The following AXDND1 variants were observed in gnomAD, a reference collection of about 807,000 sequenced individuals.
The protein encoded by AXDND1 is axonemal dynein light chain domain-containing protein 1.
In AXDND1, 110 loss-of-function variants were observed where a neutral mutation model predicts 137.5. The ratio of observed to expected loss-of-function variants is 0.80; its 90% confidence interval spans 0.69 to 0.94. The LOEUF is 0.94. AXDND1 is among the 40% of genes least tolerant of loss of function. The pLI is 0.00. For synonymous variants in AXDND1, 414 were observed against 399.7 expected (o/e 1.04, Z -0.43); for missense variants, 1,191 against 1,169.8 (o/e 1.02, Z -0.26).
intron 11 of AXDND1, among the ~76,000 whole-genome samples, chr1:179,403,735 G>A (rs916114096): frequency 2.6e-5 from 4 of 151,994 alleles, no homozygotes; most frequent in South Asian, 4.1e-4. Flanking sequence ...CACCACACCC[G>A]GCTAATTTTT....
chr1:179,385,122 G>A, intron 8 of AXDND1, 116 bp from the exon 9 acceptor site: 1 of 877,622 alleles, frequency 1.1e-6, no homozygotes, highest in South Asian at 1.7e-5. Flanking sequence ...AAATGTAAGT[G>A]AAATAAATTA....
intron 18 of AXDND1, among the ~76,000 whole-genome samples, chr1:179,484,703 G>A (rs1665825519): frequency 6.6e-6 from 1 of 152,180 alleles, no homozygotes; most frequent in African/African-American, 2.4e-5. Flanking sequence ...TGCTTTGCTA[G>A]TGTGGTTGCA....
rs1425356976 is a variant in AXDND1 at position 179,552,387 on chromosome 1, G to A, written c.3032-2125G>A. On this transcript the variant is annotated intron_variant, in intron 25 of 25. Coordinates refer to ENST00000367618, the MANE Select transcript of AXDND1 (RefSeq NM_144696.6). ...GGAAGGTGAGACTCAAGCAGTGAGT[G>A]GTCACTATTATCAGTAGCTTCAGAG... is the stretch of plus-strand genomic sequence containing the variant. 8 of 605,900 alleles carry A rather than the reference G, an allele frequency of 1.3e-5. 1 individual carries two copies. Among genetic ancestry groups the A allele is most frequent in the Non-Finnish European group, 2.4e-5 (8 of 334,022 alleles). The allele number at this position is 605,900 out of a possible 1,614,324, so 37.5% of individuals were successfully genotyped here.
intron 17 of AXDND1, among the ~76,000 whole-genome samples, chr1:179,480,736 C>T (rs1276771106): frequency 6.6e-6 from 1 of 151,820 alleles, no homozygotes; most frequent in Non-Finnish European, 1.5e-5. Context: ...CCCCCTCTTC[C>T]TTGTATTAAG....
At chr1:179,508,771 T>G (rs1668764395) in intron 20 of AXDND1, among the ~76,000 whole-genome samples, 1 of 152,180 alleles carries the variant, frequency 6.6e-6, no homozygotes, top group South Asian at 2.1e-4. Context: ...GCATCATACT[T>G]AACTATTTTT....
intron 11 of AXDND1, among the ~76,000 whole-genome samples, chr1:179,402,750 C>G (rs1228250805): frequency 6.6e-6 from 1 of 152,192 alleles, no homozygotes; most frequent in East Asian, 1.9e-4. Flanking sequence ...TTTCTCTGCT[C>G]TCCTTACAGG....
intron 16 of AXDND1, chr1:179,456,945 T>C: frequency 6.7e-7 from 1 of 1,485,014 alleles, no homozygotes; most frequent in South Asian, 1.1e-5. Context: ...ATCACTTCAT[T>C]TTTTCCATAC....
intron 12 of AXDND1, among the ~76,000 whole-genome samples, chr1:179,425,880 A>G (rs1052649406): frequency 1.5e-5 from 2 of 137,748 alleles, no homozygotes; most frequent in Non-Finnish European, 3.1e-5. Flanking sequence ...TCTGTCACCC[A>G]GGCTGGAATG....
intron 12 of AXDND1, among the ~76,000 whole-genome samples, chr1:179,425,053 A>G (rs1330870094): frequency 6.6e-6 from 1 of 152,136 alleles, no homozygotes; most frequent in African/African-American, 2.4e-5. Flanking sequence ...TGCTTTGTCC[A>G]TTTGGGGAGA....
At chr1:179,430,837 C>G (rs1390629578) in intron 14 of AXDND1, among the ~76,000 whole-genome samples, 2 of 152,186 alleles carry the variant, frequency 1.3e-5, no homozygotes, top group Admixed American at 1.3e-4. Context: ...CTGCTGTCCC[C>G]ATTTGAGTCC....
chr1:179,489,257 T>G (rs888912101), intron 18 of AXDND1, among the ~76,000 whole-genome samples: 6 of 152,188 alleles, frequency 3.9e-5, no homozygotes, highest in African/African-American at 1.4e-4. Flanking sequence ...TTTAGGAAAG[T>G]AAAAGATATT....
rs200042397 is a variant in AXDND1, at chr1:179,552,616, T to C, written c.3032-1896T>C. 86 of 1,613,708 alleles carry C rather than the reference T, an allele frequency of 5.3e-5. No homozygotes were observed. The East Asian group carries it at 1.7e-3, about 33-fold the overall frequency. On this transcript the variant is annotated intron_variant, in intron 25 of 25. Transcript: ENST00000367618. The stretch of plus-strand genomic sequence containing the variant: ...TGGAGTGCTCACCCGCACTTTGGCT[T>C]GTCTTTGCGCTTCAGCCTCCACAGC...
intron 25 of AXDND1, among the ~76,000 whole-genome samples, chr1:179,537,767 G>A (rs551044864): frequency 6.6e-6 from 1 of 152,098 alleles, no homozygotes; most frequent in Non-Finnish European, 1.5e-5. Context: ...AGAAGGAATG[G>A]TACCTGCTCC....
At chr1:179,413,109 T>C (rs896227793) in intron 12 of AXDND1, among the ~76,000 whole-genome samples, 1 of 152,114 alleles carries the variant, frequency 6.6e-6, no homozygotes, top group East Asian at 1.9e-4. Flanking sequence ...ACAATTGATA[T>C]ACAAAAAAAA....
chr1:179,422,964 A>T (rs1012228915), intron 12 of AXDND1, among the ~76,000 whole-genome samples: 12 of 152,054 alleles, frequency 7.9e-5, no homozygotes, highest in Non-Finnish European at 4.4e-5. Flanking sequence ...GGGTTTCACC[A>T]TGTTGGCCAG....
chr1:179,470,175 A>T (rs895216121), intron 17 of AXDND1, among the ~76,000 whole-genome samples: 2 of 152,072 alleles, frequency 1.3e-5, no homozygotes, highest in Admixed American at 1.3e-4. Context: ...CTATATGTCC[A>T]CCCTTGTGTC....
chr1:179,445,218 C>A lies in AXDND1; in HGVS notation c.1798+14C>A. The A allele has an allele frequency of 6.4e-6, 9 of 1,415,294 alleles. No individual in the cohort carries two copies. The highest frequency in any genetic ancestry group is 8.7e-6 in the Non-Finnish European group (9 of 1,040,152). 87.7% of individuals were successfully genotyped at this position (1,415,294 alleles called of 1,614,324 possible). On this transcript the variant is annotated intron_variant, in intron 16 of 25. Transcript: ENST00000367618. ...ATGGGGACAATGGTAAGAAAATACT[C>A]ATAATAATTAGATTTCTTGGTATAA... is the stretch of plus-strand genomic sequence containing the variant.
chr1:179,454,442 T>C (rs1660998076), intron 16 of AXDND1: 1 of 152,518 alleles, frequency 6.6e-6, no homozygotes, highest in Non-Finnish European at 1.5e-5. Flanking sequence ...TATGTCTTTA[T>C]TAGCAGCATG....
chr1:179,370,151 A>T, intron 4 of AXDND1, 73 bp downstream of exon 4: 1 of 1,198,022 alleles, frequency 8.3e-7, no homozygotes, highest in Non-Finnish European at 1.2e-6. Context: ...TTACCTTGGG[A>T]GGGGCAGAAT....
Sources: gnomAD v4.1 joint callset for allele counts (sites outside exome capture counted in the v4.1 genomes callset) on GRCh38, gnomAD v4.1.1 for gene constraint, MANE v1.5 for transcripts, NCBI Gene and HGNC (gene_info 2026-07-23, HGNC 2026-07-21) for gene names.